The following PLCXD3 variants were observed in gnomAD, a reference collection of about 807,000 sequenced individuals.
PLCXD3 encodes the protein phosphatidylinositol specific phospholipase C X domain containing 3.
PLCXD3 carries 19 observed loss-of-function variants against 25.5 expected under a neutral mutation model. That is an observed-to-expected ratio of 0.75 (90% CI 0.52 to 1.09). The LOEUF is 1.09. Ranked by LOEUF, PLCXD3 falls within the 50% of genes least tolerant of loss-of-function variation. The pLI, the probability that PLCXD3 is intolerant of heterozygous loss-of-function variation, is 0.00. For missense variants in PLCXD3, 411 were observed against 388.1 expected, an observed-to-expected ratio of 1.06 and a Z score of -0.50; for synonymous variants, 174 against 137.6, an observed-to-expected ratio of 1.26 and a Z score of -1.85.
At chr5:41,452,274 A>T (rs1747650723) in intron 1 of PLCXD3, among the ~76,000 whole-genome samples, 1 of 152,080 alleles carries the variant, frequency 6.6e-6, no homozygotes, top group African/African-American at 2.4e-5. Context: ...AACCTTACTG[A>T]ATACTAAGGA....
At position 41,407,908 on chromosome 5, in the gene PLCXD3, T is replaced by G. The variant is rs143605723; in HGVS notation, c.104-25374A>C. Among the ~76,000 whole-genome samples, 900 of 152,324 alleles carry G rather than the reference T, an allele frequency of 5.9e-3. 7 individuals carry two copies. Among genetic ancestry groups the G allele is most frequent in the Non-Finnish European group, 9.6e-3 (655 of 68,036 alleles). ...TTACAGTGAGCTCATGTAAAGAAAGTTGGTTTCCTTATTTAAGTCTTTTGA... is the reference window on the plus strand; with the variant it reads ...TTACAGTGAGCTCATGTAAAGAAAGGTGGTTTCCTTATTTAAGTCTTTTGA... On this transcript the variant is annotated intron_variant, in intron 1 of 2. Transcript: ENST00000377801.
intron 1 of PLCXD3, among the ~76,000 whole-genome samples, chr5:41,449,767 A>T (rs1433445100): frequency 6.6e-6 from 1 of 152,122 alleles, no homozygotes; most frequent in African/African-American, 2.4e-5. Context: ...GTTACTGGTT[A>T]AGGCCCTTTT....
At chr5:41,364,730 A>G (rs902405690) in intron 2 of PLCXD3, among the ~76,000 whole-genome samples, 1 of 152,188 alleles carries the variant, frequency 6.6e-6, no homozygotes, top group African/African-American at 2.4e-5. Context: ...GCAAAGGCCA[A>G]CCACACTTGT....
chr5:41,394,976 G>A (rs556808043), intron 1 of PLCXD3, among the ~76,000 whole-genome samples: 20 of 152,130 alleles, frequency 1.3e-4, no homozygotes, highest in Non-Finnish European at 2.6e-4. Flanking sequence ...AGACCAAATG[G>A]ATCTAATATT....
intron 1 of PLCXD3, among the ~76,000 whole-genome samples, chr5:41,486,245 C>T (rs997489012): frequency 6.6e-6 from 1 of 151,744 alleles, no homozygotes; most frequent in Non-Finnish European, 1.5e-5. Flanking sequence ...TTTTGGATTT[C>T]CTATTATCTC....
chr5:41,372,912 C>T lies in PLCXD3; in HGVS notation c.812+8914G>A, dbSNP rs145863064. Among the ~76,000 whole-genome samples, 25 of 152,118 alleles carry T rather than the reference C, an allele frequency of 1.6e-4. No individual in the cohort carries two copies. The East Asian group carries it at 4.3e-3, about 26-fold the overall frequency. On this transcript the variant is annotated intron_variant, in intron 2 of 2. Transcript: ENST00000377801. ...TACAAAAATCAGCCAGGCATGGTGG[C>T]ATACACCTGTAATCTCAGCTACTTG...
At chr5:41,442,690 G>A (rs1225330845) in intron 1 of PLCXD3, among the ~76,000 whole-genome samples, 1 of 152,150 alleles carries the variant, frequency 6.6e-6, no homozygotes, top group African/African-American at 2.4e-5. Context: ...GTAGAACAAT[G>A]TCTAAGGAAA....
At chr5:41,324,706 G>C (rs1230007593) in intron 2 of PLCXD3, among the ~76,000 whole-genome samples, 1 of 152,188 alleles carries the variant, frequency 6.6e-6, no homozygotes, top group African/African-American at 2.4e-5. Context: ...TTCTGGCCTT[G>C]CTAGAACAGA....
chr5:41,323,141 T>C lies in PLCXD3; in HGVS notation c.813-9371A>G, dbSNP rs79499142. Among the ~76,000 whole-genome samples, 553 of 152,286 alleles carry C rather than the reference T, an allele frequency of 3.6e-3. 6 individuals carry two copies. The highest frequency in any genetic ancestry group is 0.024 in the Middle Eastern group (7 of 294). Reference sequence around the variant, plus strand: ...GTACAGAAAGACAAATATCACACGTTGTCACTTATTTATGAGATCTAAAAA... The same window carrying C: ...GTACAGAAAGACAAATATCACACGTCGTCACTTATTTATGAGATCTAAAAA... On this transcript the variant is annotated intron_variant, in intron 2 of 2. Coordinates refer to ENST00000377801, the MANE Select transcript of PLCXD3 (RefSeq NM_001005473.3).
chr5:41,446,176 CAAAAA>C (rs70988847), intron 1 of PLCXD3, among the ~76,000 whole-genome samples: 13 of 38,122 alleles, frequency 3.4e-4, no homozygotes, highest in Admixed American at 5.1e-4. Flanking sequence ...GACTCCTTCT[CAAAAA>C]AAAAAAAAAA....
intron 2 of PLCXD3, among the ~76,000 whole-genome samples, chr5:41,378,290 A>C (rs907056701): frequency 5.9e-5 from 9 of 152,118 alleles, no homozygotes; most frequent in Admixed American, 5.2e-4. Context: ...CATTAATATA[A>C]CATTCAGAAT....
intron 2 of PLCXD3, among the ~76,000 whole-genome samples, chr5:41,372,714 C>A (rs1045392752): frequency 6.6e-6 from 1 of 151,892 alleles, no homozygotes; most frequent in Non-Finnish European, 1.5e-5. Flanking sequence ...GAGTGTACCC[C>A]CTTCTTGACC....
At chr5:41,445,926 G>A (rs1000263558) in intron 1 of PLCXD3, among the ~76,000 whole-genome samples, 2 of 151,952 alleles carry the variant, frequency 1.3e-5, no homozygotes, top group South Asian at 2.1e-4. Flanking sequence ...GGTGGCTCAC[G>A]CCTGTAATCC....
chr5:41,374,632 G>A (rs572703511), intron 2 of PLCXD3, among the ~76,000 whole-genome samples: 7 of 152,182 alleles, frequency 4.6e-5, no homozygotes, highest in Non-Finnish European at 7.4e-5. Flanking sequence ...GAGACAGATC[G>A]AAGAAATGAA....
intron 1 of PLCXD3, among the ~76,000 whole-genome samples, chr5:41,487,873 T>A (rs1214039246): frequency 6.6e-6 from 1 of 152,102 alleles, no homozygotes; most frequent in African/African-American, 2.4e-5. Flanking sequence ...CCAATAAGTT[T>A]AGTAAGTTAC....
chr5:41,387,596 C>G (rs916135373), intron 1 of PLCXD3, among the ~76,000 whole-genome samples: 1 of 151,956 alleles, frequency 6.6e-6, no homozygotes, highest in South Asian at 2.1e-4. Flanking sequence ...TGATTAAAGG[C>G]CCCCAGTAAC....
At chr5:41,488,568 C>T (rs1262338435) in intron 1 of PLCXD3, among the ~76,000 whole-genome samples, 1 of 143,338 alleles carries the variant, frequency 7.0e-6, no homozygotes, top group Non-Finnish European at 1.5e-5. Flanking sequence ...ATTCCTATTT[C>T]TCCACATCCT....
intron 1 of PLCXD3, among the ~76,000 whole-genome samples, chr5:41,496,565 G>A (rs1288670102): frequency 6.9e-6 from 1 of 144,006 alleles, no homozygotes; most frequent in African/African-American, 2.6e-5. Flanking sequence ...AACCAACCGA[G>A]AGCACAATAT....
chr5:41,411,214 T>C (rs932911029), intron 1 of PLCXD3, among the ~76,000 whole-genome samples: 11 of 152,228 alleles, frequency 7.2e-5, no homozygotes, highest in African/African-American at 2.7e-4. Context: ...CCTTTGTTCT[T>C]GTATGTCTGG....
Sources: gnomAD v4.1 joint callset for allele counts (sites outside exome capture counted in the v4.1 genomes callset) on GRCh38, gnomAD v4.1.1 for gene constraint, MANE v1.5 for transcripts, NCBI Gene and HGNC (gene_info 2026-07-23, HGNC 2026-07-21) for gene names.